Variants in SYT14 observed in about 807,000 individuals in gnomAD.
SYT14 encodes synaptotagmin-14.
A neutral mutation model predicts 74.2 loss-of-function variants in SYT14; 32 were observed. That is an observed-to-expected ratio of 0.43 (90% CI 0.33 to 0.58). The LOEUF is 0.58. Among genes scored for constraint, SYT14 ranks in the 20% least tolerant of loss-of-function variants. The pLI is 0.05. For synonymous variants in SYT14, 298 were observed against 337.7 expected (o/e 0.88, Z 1.29); for missense variants, 791 against 981.8 (o/e 0.81, Z 2.60).
intron 5 of SYT14, among the ~76,000 whole-genome samples, chr1:210,060,212 G>A (rs1346006236): frequency 6.6e-6 from 1 of 152,074 alleles, no homozygotes; most frequent in Non-Finnish European, 1.5e-5. Context: ...TATTACCTTA[G>A]GCATGTCACA....
intron 5 of SYT14, among the ~76,000 whole-genome samples, chr1:210,060,477 TGTCAGG>T (rs2081188238): frequency 6.6e-6 from 1 of 152,160 alleles, no homozygotes; most frequent in Non-Finnish European, 1.5e-5. Context: ...TTTGTCTCTA[TGTCAGG>T]ATTAACGTGA....
At chr1:210,008,194 AGGTTGTTATTAGTT>A (rs1366604402) in intron 2 of SYT14, among the ~76,000 whole-genome samples, 1 of 152,168 alleles carries the variant, frequency 6.6e-6, no homozygotes, top group African/African-American at 2.4e-5. Context: ...GATATTGTTC[AGGTTGTTATTAGTT>A]GGTCTTGGTT....
intron 2 of SYT14, among the ~76,000 whole-genome samples, chr1:209,971,525 A>G (rs1043749353): frequency 6.6e-6 from 1 of 152,162 alleles, no homozygotes; most frequent in Non-Finnish European, 1.5e-5. Flanking sequence ...TGGGTTTGTC[A>G]TAGATGGGTC....
chr1:209,970,662 C>CTTTTTTTT lies in SYT14; in HGVS notation c.-486+17938_-486+17945dup, dbSNP rs35639848. The stretch of plus-strand genomic sequence containing the variant: ...TTACAGATTGCTTTGGGCAGTATGG[C>CTTTTTTTT]TTTTTTTTTTTTTTTTTTTTTTTTT... On this transcript the variant is annotated intron_variant, in intron 2 of 9. Coordinates refer to ENST00000637265, the Ensembl canonical transcript of SYT14. 2.1e-3 allele frequency among the ~76,000 whole-genome samples: 133 copies of CTTTTTTTT among 62,798 alleles called. 45 individuals carry two copies. Among genetic ancestry groups the CTTTTTTTT allele is most frequent in the East Asian group, 8.0e-3 (10 of 1,248 alleles). 41.2% of individuals were successfully genotyped at this position (62,798 alleles called of 152,430 possible).
chr1:210,062,366 T>C (rs1182982470), intron 5 of SYT14, among the ~76,000 whole-genome samples: 5 of 151,886 alleles, frequency 3.3e-5, no homozygotes, highest in Admixed American at 6.6e-5. Flanking sequence ...TCTACAAATA[T>C]AAAAGATAGT....
intron 7 of SYT14, among the ~76,000 whole-genome samples, chr1:210,144,324 A>G (rs950675931): frequency 6.6e-6 from 1 of 152,286 alleles, no homozygotes; most frequent in East Asian, 1.9e-4. Flanking sequence ...TTTATTTGCA[A>G]TACAATGTGT....
chr1:210,068,791 T>C (rs1480581955), intron 5 of SYT14, among the ~76,000 whole-genome samples: 1 of 151,686 alleles, frequency 6.6e-6, no homozygotes, highest in African/African-American at 2.4e-5. Flanking sequence ...ATAGAATTGG[T>C]TTTTTAAAAA....
At chr1:210,159,564 C>G (rs764781670) in intron 9 of SYT14, 87 bp downstream of exon 8, 13 of 1,193,150 alleles carry the variant, frequency 1.1e-5, no homozygotes, top group Non-Finnish European at 1.6e-5. Context: ...AGCTGTCCAC[C>G]ATGTTGGTTT....
chr1:210,148,736 A>G (rs911418825), intron 7 of SYT14, among the ~76,000 whole-genome samples: 1 of 152,194 alleles, frequency 6.6e-6, no homozygotes, highest in African/African-American at 2.4e-5. Context: ...GGAAAAAAAG[A>G]TGGTCGACTT....
At chr1:210,170,005 C>T (rs990754331) in exon 10 of SYT14, 1 of 151,792 alleles carries the variant, frequency 6.6e-6, no homozygotes, top group Non-Finnish European at 1.5e-5. Flanking sequence ...AGGCAAGAAG[C>T]TTCCTTAATA....
intron 2 of SYT14, among the ~76,000 whole-genome samples, chr1:210,007,185 G>T (rs227215): frequency 0.11 from 16,801 of 151,480 alleles, 1,216 homozygotes; most frequent in Non-Finnish European, 0.15. Flanking sequence ...TAAATATAAA[G>T]ATATAACTGC....
chr1:210,121,353 G>A (rs560344668), intron 7 of SYT14, among the ~76,000 whole-genome samples: 1 of 152,176 alleles, frequency 6.6e-6, no homozygotes, highest in South Asian at 2.1e-4. Flanking sequence ...ATTTTTTCAA[G>A]TTTCAAAATC....
At chr1:209,973,337 A>G (rs2079293570) in intron 2 of SYT14, among the ~76,000 whole-genome samples, 1 of 152,104 alleles carries the variant, frequency 6.6e-6, no homozygotes, top group African/African-American at 2.4e-5. Context: ...CATTAGGTAT[A>G]TATCCTAATG....
intron 2 of SYT14, 22 bp downstream of exon 2, chr1:209,952,778 C>T (rs752036592): frequency 3.7e-5 from 58 of 1,588,130 alleles, no homozygotes; most frequent in Non-Finnish European, 4.3e-6. Context: ...CTCTGCATGG[C>T]TATTTACATA....
chr1:210,058,099 G>A (rs756194464), intron 5 of SYT14, among the ~76,000 whole-genome samples: 33 of 152,182 alleles, frequency 2.2e-4, no homozygotes, highest in Non-Finnish European at 4.4e-4. Flanking sequence ...TTCTGGAATC[G>A]GTGACTAGGG....
intron 1 of SYT14, among the ~76,000 whole-genome samples, chr1:209,950,119 A>G (rs1446638509): frequency 6.6e-6 from 1 of 152,180 alleles, no homozygotes; most frequent in Non-Finnish European, 1.5e-5. Flanking sequence ...TAATCAATTT[A>G]TATTAAATAC....
intron 5 of SYT14, among the ~76,000 whole-genome samples, chr1:210,049,404 A>G (rs184287520): frequency 2.7e-5 from 4 of 146,696 alleles, no homozygotes; most frequent in Admixed American, 2.7e-4. Flanking sequence ...TTTTTTTTTA[A>G]TCTTTTATGT....
At chr1:210,125,745 T>C (rs1258049549) in intron 7 of SYT14, among the ~76,000 whole-genome samples, 1 of 152,220 alleles carries the variant, frequency 6.6e-6, no homozygotes, top group African/African-American at 2.4e-5. Flanking sequence ...TCACAGAAGT[T>C]TAGTATTAAT....
At chr1:209,976,626 A>G (rs1396110968) in intron 2 of SYT14, among the ~76,000 whole-genome samples, 4 of 151,944 alleles carry the variant, frequency 2.6e-5, no homozygotes, top group South Asian at 4.2e-4. Flanking sequence ...ACTTCCAACT[A>G]TGTGGTCAAT....
Sources: gnomAD v4.1 joint callset for allele counts (sites outside exome capture counted in the v4.1 genomes callset) on GRCh38, gnomAD v4.1.1 for gene constraint, MANE v1.5 for transcripts, NCBI Gene and HGNC (gene_info 2026-07-23, HGNC 2026-07-21) for gene names.